ACCSL: variants seen among roughly 807,000 people sequenced by gnomAD.
ACCSL encodes 1-aminocyclopropane-1-carboxylate synthase homolog (inactive) like.
ACCSL carries 55 observed loss-of-function variants against 61.7 expected under a neutral mutation model. The observed-to-expected ratio is 0.89, with a 90% CI of 0.72 to 1.12. ACCSL has a LOEUF of 1.12. Ranked by LOEUF, ACCSL falls within the 50% of genes most tolerant of loss-of-function variation. The pLI is 0.00. For synonymous variants in ACCSL, 258 were observed against 264.3 expected, an observed-to-expected ratio of 0.98 and a Z score of 0.23; for missense variants, 632 against 698.0, an observed-to-expected ratio of 0.91 and a Z score of 1.07.
At chr11:44,056,539 A>G (rs1183540860) in intron 11 of ACCSL, among the ~76,000 whole-genome samples, 1 of 152,192 alleles carries the variant, frequency 6.6e-6, no homozygotes, top group Non-Finnish European at 1.5e-5. Flanking sequence ...GCTGTTTTAA[A>G]ATACAGGATG....
At chr11:43,961,473 T>C in the ACCSL span, among the ~76,000 whole-genome samples, 2 of 152,168 alleles carry the variant, frequency 1.3e-5, no homozygotes, top group Non-Finnish European at 2.9e-5. Flanking sequence ...ATATGTGTGC[T>C]ATTTCTAGAC....
the ACCSL span, among the ~76,000 whole-genome samples, chr11:43,921,787 T>C: frequency 6.6e-6 from 1 of 152,170 alleles, no homozygotes; most frequent in Admixed American, 6.5e-5. Flanking sequence ...ACCACCTGGG[T>C]TTCTTGGTCT....
chr11:44,053,220 C>T (rs757809481), intron 7 of ACCSL, 152 bp downstream of exon 7: 93 of 843,070 alleles, frequency 1.1e-4, no homozygotes, highest in Non-Finnish European at 1.7e-4. Flanking sequence ...TCCCTCTAGT[C>T]CTGTGGGGAT....
chr11:44,029,292 T>C, the ACCSL span, among the ~76,000 whole-genome samples: 1 of 152,246 alleles, frequency 6.6e-6, no homozygotes, highest in African/African-American at 2.4e-5. Flanking sequence ...TCCAGCTTCT[T>C]GCTGTTCCTT....
In ACCSL at chr11:44,050,632, C is replaced by T. The variant is rs777638721; in HGVS notation, c.635+10C>T. 2 of 1,613,168 alleles carry T rather than the reference C, an allele frequency of 1.2e-6. No individual in the cohort carries two copies. Among genetic ancestry groups the T allele is most frequent in the South Asian group, 2.2e-5 (2 of 90,986 alleles). ...GGAGAGGGCAGCCATTGTAAGTGACCTTCAGATTTAGAGTCTCTTGGTCCC... is the reference window on the plus strand; with the variant it reads ...GGAGAGGGCAGCCATTGTAAGTGACTTTCAGATTTAGAGTCTCTTGGTCCC... On this transcript the variant is annotated intron_variant, in intron 3 of 13. Coordinates refer to ENST00000378832, the MANE Select transcript of ACCSL (RefSeq NM_001031854.2).
the ACCSL span, among the ~76,000 whole-genome samples, chr11:43,962,874 C>T: frequency 5.3e-5 from 8 of 152,186 alleles, no homozygotes; most frequent in Non-Finnish European, 8.8e-5. Context: ...AAGGAAGATG[C>T]ATTTTCTGAC....
At chr11:43,930,281 C>G in the ACCSL span, among the ~76,000 whole-genome samples, 3 of 152,170 alleles carry the variant, frequency 2.0e-5, no homozygotes, top group African/African-American at 7.2e-5. Context: ...TGGGAAAAGC[C>G]TCTTCCTGCC....
At chr11:44,023,041 C>CTTTTTTTTTTTTT in the ACCSL span, among the ~76,000 whole-genome samples, 6 of 86,450 alleles carry the variant, frequency 6.9e-5, no homozygotes, top group African/African-American at 9.5e-5. Context: ...TCTTCTTCTT[C>CTTTTTTTTTTTTT]TTTTTTTTTT....
At chr11:44,028,897 T>A in the ACCSL span, among the ~76,000 whole-genome samples, 1 of 152,238 alleles carries the variant, frequency 6.6e-6, no homozygotes. Context: ...ACAATAAGTT[T>A]GGAATAAGTT....
intron 5 of ACCSL, 104 bp downstream of exon 5, chr11:44,051,823 C>A: frequency 7.2e-7 from 1 of 1,382,982 alleles, no homozygotes; most frequent in Non-Finnish European, 1.0e-6. Flanking sequence ...TGACTCAAGG[C>A]CTTTTCCCCA....
At chr11:44,029,222 G>A in the ACCSL span, among the ~76,000 whole-genome samples, 3 of 152,232 alleles carry the variant, frequency 2.0e-5, no homozygotes, top group African/African-American at 7.2e-5. Flanking sequence ...TCCTTCCAGA[G>A]GCCTGCAGGT....
At chr11:44,030,722 G>C in the ACCSL span, among the ~76,000 whole-genome samples, 1 of 152,028 alleles carries the variant, frequency 6.6e-6, no homozygotes, top group Non-Finnish European at 1.5e-5. Context: ...TTTGTGATCA[G>C]CCTGGAGTTT....
the ACCSL span, among the ~76,000 whole-genome samples, chr11:43,999,878 C>A: frequency 6.6e-6 from 1 of 151,948 alleles, no homozygotes. Context: ...TAAAGAGTAA[C>A]AACACAACAA....
At chr11:44,058,781 A>T (rs997452168) in intron 13 of ACCSL, 82 bp downstream of exon 13, 1 of 1,452,432 alleles carries the variant, frequency 6.9e-7, no homozygotes, top group African/African-American at 1.4e-5. Context: ...CCCCTTAAAC[A>T]TCCTATAGAT....
chr11:44,031,865 G>C, the ACCSL span, among the ~76,000 whole-genome samples: 4,187 of 152,200 alleles, frequency 0.028, 201 homozygotes, highest in African/African-American at 0.096. Context: ...AGTCGCGGGG[G>C]CTGTCAGTCA....
At chr11:44,025,298 A>G in the ACCSL span, among the ~76,000 whole-genome samples, 1 of 152,034 alleles carries the variant, frequency 6.6e-6, no homozygotes, top group African/African-American at 2.4e-5. Context: ...ATATAATTTT[A>G]ACTTGCTTCT....
chr11:43,957,311 G>T, the ACCSL span, among the ~76,000 whole-genome samples: 1 of 151,528 alleles, frequency 6.6e-6, no homozygotes, highest in African/African-American at 2.4e-5. Flanking sequence ...GTGGGGTGGG[G>T]TGGGAGGAGG....
At chr11:44,040,380 C>T in the ACCSL span, among the ~76,000 whole-genome samples, 19 of 152,182 alleles carry the variant, frequency 1.2e-4, no homozygotes, top group East Asian at 2.5e-3. Flanking sequence ...GTTTGAGAAC[C>T]GTGGCTTCAA....
At chr11:44,000,247 C>A in the ACCSL span, among the ~76,000 whole-genome samples, 17 of 152,274 alleles carry the variant, frequency 1.1e-4, no homozygotes, top group South Asian at 2.1e-3. Context: ...GCCTCAGCCT[C>A]TCAAGTAGCT....
Sources: allele counts gnomAD v4.1 joint callset (sites outside exome capture counted in the v4.1 genomes callset), GRCh38; gene constraint gnomAD v4.1.1; transcripts MANE v1.5; gene names NCBI Gene and HGNC (gene_info 2026-07-23, HGNC 2026-07-21).